Variants in NBR1 observed in about 807,000 individuals in gnomAD.
NBR1 encodes the protein NBR1 autophagy cargo receptor.
NBR1 carries 59 observed loss-of-function variants against 115.5 expected under a neutral mutation model. The observed-to-expected ratio is 0.51, with a 90% CI of 0.41 to 0.63. NBR1 has a LOEUF of 0.63. NBR1 is among the 30% of genes least tolerant of loss of function. NBR1 has a pLI of 0.00. For synonymous variants in NBR1, 373 were observed against 414.7 expected (o/e 0.90, Z 1.22); for missense variants, 1,043 against 1,150.5 (o/e 0.91, Z 1.35).
At chr17:43,176,838 C>T (rs1018099768) in intron 2 of NBR1, among the ~76,000 whole-genome samples, 4 of 152,000 alleles carry the variant, frequency 2.6e-5, no homozygotes, top group Non-Finnish European at 5.9e-5. Context: ...GAAGAGAAAC[C>T]ATCTCAAGCA....
At chr17:43,172,418 G>A (rs945282378) in intron 1 of NBR1, among the ~76,000 whole-genome samples, 1 of 152,172 alleles carries the variant, frequency 6.6e-6, no homozygotes, top group Admixed American at 6.5e-5. Context: ...TTGAGAAAAA[G>A]AGAGGAAGAT....
Position 43,209,998 on chromosome 17 carries a change from A to G in NBR1, c.2825A>G (p.His942Arg). The change falls in exon 21 of 21, where the codon CAC (histidine) becomes CGC (arginine). Residue 942 changes from histidine to arginine, a missense_variant. His to Arg is a conservative substitution (Grantham distance 29, BLOSUM62 0). Coordinates refer to ENST00000590996, the MANE Select transcript of NBR1 (RefSeq NM_005899.5). ...CTGAACCTACGGCTGCTGAAGAAAC[A>G]CAATTACAATATCCTGCAGGTTGTG... ...RQLNLRLLKK[H>R]NYNILQVVTE... The G allele has an allele frequency of 6.2e-7, 1 of 1,613,692 alleles. No individual in the cohort carries two copies. Among genetic ancestry groups the G allele is most frequent in the African/African-American group, 1.3e-5 (1 of 75,032 alleles).
intron 8 of NBR1, 53 bp downstream of exon 8, chr17:43,189,855 C>A: frequency 1.4e-6 from 2 of 1,479,610 alleles, no homozygotes; most frequent in Non-Finnish European, 1.9e-6. Flanking sequence ...CAGCTTTTAC[C>A]TCCCTGGCTT....
At chr17:43,206,004 C>T (rs2057308488) in intron 20 of NBR1, among the ~76,000 whole-genome samples, 1 of 150,844 alleles carries the variant, frequency 6.6e-6, no homozygotes, top group Non-Finnish European at 1.5e-5. Context: ...ATGGTGAAAC[C>T]CCATCTCTAC....
chr17:43,201,895 A>G (rs1167748151), intron 18 of NBR1, 115 bp downstream of exon 18: 1 of 678,198 alleles, frequency 1.5e-6, no homozygotes. Flanking sequence ...CTTGCCCTTC[A>G]CAGGCCAGGC....
intron 13 of NBR1, 165 bp downstream of exon 13, chr17:43,194,664 C>T (rs1399130905): frequency 5.1e-6 from 4 of 785,232 alleles, no homozygotes; most frequent in Admixed American, 2.6e-5. Context: ...AGTTTGTAAA[C>T]TAGATGTTTC....
rs752111367 is a variant in NBR1 at position 43,191,566 on chromosome 17, A to G, written c.1058A>G (p.Gln353Arg). ...TTAGGCCGACCTGAGAGCTTGCTCCAGTCTAATACCCTGATGTAAGCCCAG... is the reference window on the plus strand; with the variant it reads ...TTAGGCCGACCTGAGAGCTTGCTCCGGTCTAATACCCTGATGTAAGCCCAG... The part of the protein sequence containing the change: ...SPLGRPESLL[Q>R]SNTLMLPLQP... Residue 353 changes from glutamine to arginine, a missense_variant, in exon 10 of 21, where the codon CAG becomes CGG. Coordinates refer to ENST00000590996, the MANE Select transcript of NBR1 (RefSeq NM_005899.5). The G allele has an allele frequency of 3.7e-6, 6 of 1,611,440 alleles. No homozygotes were observed. The African/African-American group carries it at 4.0e-5, about 11-fold the overall frequency.
intron 8 of NBR1, 27 bp downstream of exon 8, chr17:43,189,829 C>T (rs1335893112): frequency 1.9e-6 from 3 of 1,594,166 alleles, no homozygotes; most frequent in African/African-American, 1.3e-5. Context: ...GAGTAGCTAG[C>T]TAGTGATAGA....
At position 43,194,366 on chromosome 17, in the gene NBR1, C is replaced by T. The variant is rs556686345; in HGVS notation, c.1541C>T (p.Ala514Val). The change falls in exon 13 of 21, where the codon GCT (alanine) becomes GTT (valine). Residue 514 changes from alanine (A) to valine (V), a missense_variant. By Grantham distance (64) the Ala-to-Val change is moderately conservative. Coordinates refer to ENST00000590996, the MANE Select transcript of NBR1 (RefSeq NM_005899.5). ...TCTCTATAGGAAACTTTTCTTCTGG[C>T]TAAAGAAGAAAGACAGCTTGGTGAA... The part of the protein sequence containing the change: ...TCQQEETFLL[A>V]KEERQLGEVT... 6 of 1,613,134 alleles carry T rather than the reference C, an allele frequency of 3.7e-6. No homozygotes were observed. The South Asian group carries it at 5.5e-5, about 15-fold the overall frequency.
Position 43,210,779 on chromosome 17 carries a change from T to G in NBR1, c.*705T>G. ...TGAGCAATGTCTATTATAGTAATTT[T>G]GCATACATTTTTATTTAAGGGAAAA... On this transcript the variant is annotated 3_prime_UTR_variant, in exon 21 of 21. Transcript: ENST00000590996. 1 of 398,518 alleles carries G rather than the reference T, an allele frequency of 2.5e-6. No homozygotes were observed. Among genetic ancestry groups the G allele is most frequent in the Non-Finnish European group, 4.4e-6 (1 of 226,020 alleles). 24.7% of individuals were successfully genotyped at this position (398,518 alleles called of 1,614,324 possible).
At chr17:43,191,120 G>A (rs2056933924) in intron 9 of NBR1, among the ~76,000 whole-genome samples, 1 of 152,068 alleles carries the variant, frequency 6.6e-6, no homozygotes, top group Non-Finnish European at 1.5e-5. Context: ...CAGGCGTGGT[G>A]GTGCGTACCT....
At chr17:43,189,478 T>G in intron 7 of NBR1, 110 bp from the exon 8 acceptor site, 1 of 727,338 alleles carries the variant, frequency 1.4e-6, no homozygotes, top group East Asian at 2.6e-5. Flanking sequence ...TTGTTTATTG[T>G]GTTTTTGTAT....
intron 19 of NBR1, among the ~76,000 whole-genome samples, chr17:43,203,284 C>T (rs557995621): frequency 3.3e-5 from 5 of 152,260 alleles, no homozygotes; most frequent in African/African-American, 1.2e-4. Flanking sequence ...TTGGACATAC[C>T]TGGTTCTCTG....
rs571307942 is a variant in NBR1 at position 43,205,765 on chromosome 17, A to C, written c.2727+1979A>C. ...TGGTGGTATACGCCTGTGGTCCCAG[A>C]TACTCAAGAGGCCGAGGTGGGAAGA... On this transcript the variant is annotated intron_variant, in intron 20 of 20. Coordinates refer to ENST00000590996, the MANE Select transcript of NBR1 (RefSeq NM_005899.5). 2.0e-5 allele frequency among the ~76,000 whole-genome samples: 3 copies of C among 151,622 alleles called. No individual in the cohort carries two copies. In the East Asian group the frequency reaches 5.8e-4, roughly 29 times the overall value.
intron 4 of NBR1, among the ~76,000 whole-genome samples, chr17:43,179,848 A>G (rs1295865962): frequency 6.6e-6 from 1 of 152,214 alleles, no homozygotes; most frequent in Non-Finnish European, 1.5e-5. Flanking sequence ...TTCCCACGAT[A>G]GCCCCTAAAA....
In NBR1 at chr17:43,201,807, T is replaced by C. The variant is rs765515047; in HGVS notation, c.2563+27T>C. 5.5e-6 allele frequency: 7 copies of C among 1,271,714 alleles called. No individual in the cohort carries two copies. The African/African-American group carries it at 5.8e-5, about 11-fold the overall frequency. The allele number at this position is 1,271,714 out of a possible 1,614,324, so 78.8% of individuals were successfully genotyped here. A position where few individuals can be genotyped will look rare whatever the true frequency, so the allele number is the denominator to read the frequency against. ...TAATGATCAGCCTAAGCTTTTTCTCTTTTTCTCTGCTCCTGTCTAATGGAA... is the reference window on the plus strand; with the variant it reads ...TAATGATCAGCCTAAGCTTTTTCTCCTTTTCTCTGCTCCTGTCTAATGGAA... On this transcript the variant is annotated intron_variant, in intron 18 of 20. Coordinates refer to ENST00000590996, the MANE Select transcript of NBR1 (RefSeq NM_005899.5).
chr17:43,192,986 G>T (rs2056983305), intron 10 of NBR1, 108 bp from the exon 11 acceptor site: 2 of 1,077,156 alleles, frequency 1.9e-6, no homozygotes, highest in East Asian at 4.8e-5. Context: ...TAAGGCAAAT[G>T]GGTTAGCACA....
rs757815241 is a variant in NBR1 at position 43,193,466 on chromosome 17, T to G, written c.1352T>G (p.Leu451Trp). Residue 451 changes from leucine (L) to tryptophan (W), a missense_variant, in exon 12 of 21, where the codon TTG (leucine) becomes TGG (tryptophan). By Grantham distance (61) the Leu-to-Trp change is moderately conservative. Transcript: ENST00000590996. Reference protein sequence around the residue: ...VVSVEFIAPALEGTYTSHWRL... With the variant: ...VVSVEFIAPAWEGTYTSHWRL... The stretch of plus-strand genomic sequence containing the variant: ...TCTGTGGAGTTCATTGCCCCAGCCT[T>G]GGAGGGAACGTATACTTCCCATTGG... 4 of 1,613,946 alleles carry G rather than the reference T, an allele frequency of 2.5e-6. No homozygotes were observed. Among genetic ancestry groups the G allele is most frequent in the Non-Finnish European group, 3.4e-6 (4 of 1,179,868 alleles).
chr17:43,170,517 G>A (rs1192821342), upstream of NBR1: 1 of 153,522 alleles, frequency 6.5e-6, no homozygotes. Context: ...CGCCACCTGA[G>A]GCCTGAATAT....
Sources: allele counts gnomAD v4.1 joint callset (sites outside exome capture counted in the v4.1 genomes callset), GRCh38; gene constraint gnomAD v4.1.1; transcripts MANE v1.5; gene names NCBI Gene and HGNC (gene_info 2026-07-23, HGNC 2026-07-21).